NBEA: variants seen among roughly 807,000 people sequenced by gnomAD.
NBEA encodes neurobeachin, also known as lysosomal-trafficking regulator 2.
NBEA carries 44 observed loss-of-function variants against 343.4 expected under a neutral mutation model. The observed-to-expected ratio is 0.13, with a 90% CI of 0.10 to 0.16. The LOEUF (loss-of-function observed/expected upper bound fraction) is 0.16. NBEA is among the 10% of genes least tolerant of loss of function. NBEA has a pLI of 1.00. For missense variants in NBEA, 2,555 were observed against 3,631.3 expected (o/e 0.70, Z 7.62); for synonymous variants, 1,175 against 1,238.7 (o/e 0.95, Z 1.08).
chr13:35,283,025 G>T (rs1235328754), intron 34 of NBEA, among the ~76,000 whole-genome samples: 1 of 152,074 alleles, frequency 6.6e-6, no homozygotes, highest in East Asian at 1.9e-4. Context: ...TAATAATATT[G>T]CTGATAATGC....
chr13:35,401,586 T>A (rs1444192351), intron 38 of NBEA, among the ~76,000 whole-genome samples: 1 of 152,082 alleles, frequency 6.6e-6, no homozygotes, highest in African/African-American at 2.4e-5. Flanking sequence ...TGTTACACCC[T>A]CTGTTGCTCT....
At chr13:34,947,521 T>C (rs929198020) in intron 1 of NBEA, among the ~76,000 whole-genome samples, 11 of 152,122 alleles carry the variant, frequency 7.2e-5, no homozygotes, top group African/African-American at 2.4e-4. Flanking sequence ...ACTGAACATA[T>C]TGTTATGCAT....
intron 44 of NBEA, among the ~76,000 whole-genome samples, chr13:35,561,105 A>G (rs139335303): frequency 6.6e-6 from 1 of 152,306 alleles, no homozygotes; most frequent in East Asian, 1.9e-4. Context: ...AAATAATTTT[A>G]TTAATCTTCA....
chr13:35,493,085 T>C (rs2076555487), intron 41 of NBEA, among the ~76,000 whole-genome samples: 1 of 151,934 alleles, frequency 6.6e-6, no homozygotes, highest in East Asian at 1.9e-4. Context: ...GAATACTGAA[T>C]TCTCTAAAAG....
At chr13:35,086,727 T>A (rs915037454) in intron 10 of NBEA, among the ~76,000 whole-genome samples, 3 of 151,896 alleles carry the variant, frequency 2.0e-5, no homozygotes, top group African/African-American at 7.2e-5. Flanking sequence ...CTTTGAAACA[T>A]CTCCACACTC....
At chr13:35,166,187 G>A (rs558780782) in intron 24 of NBEA, among the ~76,000 whole-genome samples, 50 of 152,044 alleles carry the variant, frequency 3.3e-4, no homozygotes, top group Non-Finnish European at 6.2e-4. Flanking sequence ...TGCTTCTTAT[G>A]TAAAAAAAAC....
intron 22 of NBEA, among the ~76,000 whole-genome samples, chr13:35,160,947 T>TA (rs1366926721): frequency 2.0e-4 from 30 of 152,332 alleles, no homozygotes; most frequent in African/African-American, 7.0e-4. Flanking sequence ...ACATTGAATG[T>TA]GTTTCCATTA....
At chr13:35,426,370 T>C (rs574820329) in intron 38 of NBEA, among the ~76,000 whole-genome samples, 10 of 152,302 alleles carry the variant, frequency 6.6e-5, no homozygotes, top group Admixed American at 6.5e-4. Flanking sequence ...CAGCATTTGC[T>C]TGTTTGTAAA....
intron 38 of NBEA, among the ~76,000 whole-genome samples, chr13:35,386,755 C>G (rs1024950331): frequency 6.6e-6 from 1 of 152,066 alleles, no homozygotes; most frequent in Admixed American, 6.6e-5. Context: ...TTTTCTAAAC[C>G]TCTGTTTAAA....
chr13:35,097,502 A>G (rs190088946), intron 10 of NBEA, among the ~76,000 whole-genome samples: 27 of 152,128 alleles, frequency 1.8e-4, no homozygotes, highest in Non-Finnish European at 3.8e-4. Context: ...TATTTCCGTT[A>G]TTTAGAATAC....
intron 49 of NBEA, among the ~76,000 whole-genome samples, chr13:35,645,516 G>A (rs2084183957): frequency 6.6e-6 from 1 of 152,010 alleles, no homozygotes; most frequent in Non-Finnish European, 1.5e-5. Flanking sequence ...TCTATTCCTT[G>A]GAGGCTATAA....
At chr13:35,665,024 G>C (rs1292308617) in intron 55 of NBEA, 61 bp from the exon 56 acceptor site, 1 of 1,101,358 alleles carries the variant, frequency 9.1e-7, no homozygotes, top group Non-Finnish European at 1.4e-6. Flanking sequence ...TTGCATTGCT[G>C]GTGTAGCTCT....
intron 49 of NBEA, among the ~76,000 whole-genome samples, chr13:35,643,890 A>G (rs1416236405): frequency 6.6e-6 from 1 of 152,216 alleles, no homozygotes; most frequent in African/African-American, 2.4e-5. Context: ...ACACTTGACA[A>G]GAAAGTCATT....
At chr13:35,191,100 A>G (rs1350880879) in intron 30 of NBEA, among the ~76,000 whole-genome samples, 3 of 152,160 alleles carry the variant, frequency 2.0e-5, no homozygotes, top group African/African-American at 7.2e-5. Context: ...GCTGGGGAAC[A>G]GAACAAAGAA....
chr13:35,154,741 GT>G (rs569252720), intron 18 of NBEA, among the ~76,000 whole-genome samples: 2 of 151,936 alleles, frequency 1.3e-5, no homozygotes. Flanking sequence ...TTGGTCAACT[GT>G]TTTTTTGTAT....
intron 9 of NBEA, 95 bp downstream of exon 9, chr13:35,070,200 T>C (rs1409481555): frequency 1.6e-6 from 2 of 1,249,782 alleles, no homozygotes; most frequent in Non-Finnish European, 2.1e-6. Context: ...AAATCTATGA[T>C]TTTTTTGCTT....
chr13:35,487,663 C>A (rs2076350444), intron 41 of NBEA, among the ~76,000 whole-genome samples: 1 of 151,952 alleles, frequency 6.6e-6, no homozygotes, highest in Admixed American at 6.6e-5. Context: ...GTGGTTAGAA[C>A]GCTCTTCCTA....
At chr13:35,441,514 A>C (rs1390104698) in intron 39 of NBEA, among the ~76,000 whole-genome samples, 1 of 152,174 alleles carries the variant, frequency 6.6e-6, no homozygotes, top group Admixed American at 6.6e-5. Flanking sequence ...ATCCCAAATG[A>C]AGGCCATGTT....
At chr13:34,956,260 T>C (rs187295577) in intron 1 of NBEA, among the ~76,000 whole-genome samples, 1 of 152,280 alleles carries the variant, frequency 6.6e-6, no homozygotes, top group Non-Finnish European at 1.5e-5. Flanking sequence ...TCAGTAGTCT[T>C]TGAGGTGAAT....
Sources: allele counts gnomAD v4.1 joint callset (sites outside exome capture counted in the v4.1 genomes callset), GRCh38; gene constraint gnomAD v4.1.1; transcripts MANE v1.5; gene names NCBI Gene and HGNC (gene_info 2026-07-23, HGNC 2026-07-21).